Variants in RASEF observed in about 807,000 individuals in gnomAD.
RASEF encodes ras and EF-hand domain-containing protein.
RASEF carries 68 observed loss-of-function variants against 90.1 expected under a neutral mutation model. The observed-to-expected ratio is 0.75, with a 90% CI of 0.62 to 0.92. The LOEUF (loss-of-function observed/expected upper bound fraction) is 0.92, where lower values mean the gene tolerates loss of function less well. RASEF is among the 40% of genes least tolerant of loss of function. The probability of loss-of-function intolerance (pLI) is 0.00; values close to 1 mark genes in which losing one functional copy is unlikely to be tolerated. For synonymous variants in RASEF, 331 were observed against 345.2 expected (o/e 0.96, Z 0.46); for missense variants, 949 against 937.2 (o/e 1.01, Z -0.16).
the RASEF span, among the ~76,000 whole-genome samples, chr9:83,173,722 C>G: frequency 2.4e-4 from 37 of 152,014 alleles, no homozygotes; most frequent in South Asian, 8.3e-4. Flanking sequence ...GTCTCTGTCA[C>G]TGCAGGATTT....
At chr9:83,094,941 A>G in the RASEF span, among the ~76,000 whole-genome samples, 2 of 152,198 alleles carry the variant, frequency 1.3e-5, no homozygotes, top group African/African-American at 4.8e-5. Context: ...CTCACGTCCA[A>G]GCATACGTGG....
In RASEF at chr9:83,001,137, A is replaced by G. The variant is rs1829031497; in HGVS notation, c.1203-7T>C. 6.2e-7 allele frequency: 1 copy of G among 1,604,492 alleles called. No homozygotes were observed. Among genetic ancestry groups the G allele is most frequent in the Admixed American group, 1.7e-5 (1 of 59,850 alleles). On this transcript the variant is annotated splice_polypyrimidine_tract_variant and splice_region_variant and intron_variant, in intron 9 of 16. Coordinates refer to ENST00000376447, the MANE Select transcript of RASEF (RefSeq NM_152573.4). ...ATAGGAAGAGCGGGATGACCTGGTA[A>G]TAAAGGGGAAGACCAATTTACCTGA...
the RASEF span, among the ~76,000 whole-genome samples, chr9:83,086,268 C>T: frequency 5.9e-5 from 9 of 151,946 alleles, no homozygotes; most frequent in Non-Finnish European, 7.4e-5. Flanking sequence ...AAATAAAGAT[C>T]GTAGATTCAT....
At chr9:83,126,916 CG>C in the RASEF span, among the ~76,000 whole-genome samples, 2 of 152,290 alleles carry the variant, frequency 1.3e-5, no homozygotes, top group Non-Finnish European at 1.5e-5. Flanking sequence ...GGATTCCCAG[CG>C]CTGCTTGTTT....
chr9:83,048,736 G>A, intron 1 of RASEF: 2 of 984,910 alleles, frequency 2.0e-6, no homozygotes, highest in Non-Finnish European at 2.4e-6. Context: ...TACACATTGA[G>A]AAATGAAACA....
chr9:83,074,126 T>TTC, the RASEF span, among the ~76,000 whole-genome samples: 1 of 152,322 alleles, frequency 6.6e-6, no homozygotes, highest in African/African-American at 2.4e-5. Context: ...ACTTTGACAC[T>TTC]TCTGTAAGCT....
At chr9:83,024,293 C>A (rs921072947) in intron 2 of RASEF, among the ~76,000 whole-genome samples, 2 of 152,176 alleles carry the variant, frequency 1.3e-5, no homozygotes, top group Admixed American at 1.3e-4. Flanking sequence ...CATGAAAAAG[C>A]AGCCTAGCTG....
chr9:83,091,108 CT>C, the RASEF span, among the ~76,000 whole-genome samples: 1 of 152,186 alleles, frequency 6.6e-6, no homozygotes, highest in African/African-American at 2.4e-5. Flanking sequence ...TTTAACTCTG[CT>C]TTAACTTCAC....
At chr9:83,120,710 C>A in the RASEF span, among the ~76,000 whole-genome samples, 1 of 152,144 alleles carries the variant, frequency 6.6e-6, no homozygotes, top group East Asian at 1.9e-4. Flanking sequence ...ACTCAGATGA[C>A]CCTTAAAATA....
intron 3 of RASEF, among the ~76,000 whole-genome samples, chr9:83,020,839 C>T (rs762103639): frequency 9.9e-5 from 15 of 152,046 alleles, no homozygotes; most frequent in Non-Finnish European, 1.9e-4. Context: ...TGAATTTGTG[C>T]ACAGATTAAA....
At chr9:82,987,549 T>C (rs1313353447) in intron 16 of RASEF, among the ~76,000 whole-genome samples, 1 of 151,896 alleles carries the variant, frequency 6.6e-6, no homozygotes, top group African/African-American at 2.4e-5. Flanking sequence ...TGACCCAACA[T>C]GCCACACAGG....
chr9:82,982,978 G>C (rs73467526), intron 16 of RASEF, among the ~76,000 whole-genome samples, 196 bp from the exon 17 acceptor site: 1 of 152,074 alleles, frequency 6.6e-6, no homozygotes, highest in African/African-American at 2.4e-5. Flanking sequence ...TAAATTTGCT[G>C]TGCCCCATTT....
intron 1 of RASEF, among the ~76,000 whole-genome samples, chr9:83,038,412 A>AC (rs1829781297): frequency 6.6e-6 from 1 of 152,164 alleles, no homozygotes; most frequent in African/African-American, 2.4e-5. Flanking sequence ...GCTGATGTCA[A>AC]CAATTTCAAA....
At chr9:83,131,217 G>T in the RASEF span, among the ~76,000 whole-genome samples, 1 of 152,088 alleles carries the variant, frequency 6.6e-6, no homozygotes, top group Admixed American at 6.5e-5. Flanking sequence ...TGGCCAATAA[G>T]CAATTATAGA....
At chr9:83,074,371 A>G in the RASEF span, among the ~76,000 whole-genome samples, 1 of 152,222 alleles carries the variant, frequency 6.6e-6, no homozygotes, top group South Asian at 2.1e-4. Context: ...CTTGAGAATT[A>G]CAAGTCTGTT....
chr9:83,080,684 T>G, the RASEF span, among the ~76,000 whole-genome samples: 1 of 152,216 alleles, frequency 6.6e-6, no homozygotes, highest in African/African-American at 2.4e-5. Flanking sequence ...ATCTTTAAAA[T>G]GGACATTAAC....
chr9:82,998,326 A>G, intron 13 of RASEF, 39 bp downstream of exon 13: 1 of 1,373,330 alleles, frequency 7.3e-7, no homozygotes, highest in Non-Finnish European at 1.0e-6. Context: ...TTGTTAATGC[A>G]AACCCAGGAT....
chr9:83,116,818 A>G, the RASEF span, among the ~76,000 whole-genome samples: 16 of 152,322 alleles, frequency 1.1e-4, no homozygotes, highest in Middle Eastern at 3.4e-3. Context: ...TTAATATGTC[A>G]TAATAGGTAA....
At chr9:83,184,369 A>G in the RASEF span, among the ~76,000 whole-genome samples, 1 of 152,164 alleles carries the variant, frequency 6.6e-6, no homozygotes, top group Admixed American at 6.5e-5. Context: ...TCAAAGGGAA[A>G]GCAGGGGTAA....
Sources: gnomAD v4.1 joint callset for allele counts (sites outside exome capture counted in the v4.1 genomes callset) on GRCh38, gnomAD v4.1.1 for gene constraint, MANE v1.5 for transcripts, NCBI Gene and HGNC (gene_info 2026-07-23, HGNC 2026-07-21) for gene names.